Variants in ROBO2 observed in about 807,000 individuals in gnomAD.
ROBO2 encodes the protein roundabout guidance receptor 2.
Under a neutral mutation model 160.8 loss-of-function variants are expected in ROBO2, and 53 were observed. The ratio of observed to expected loss-of-function variants is 0.33; its 90% CI spans 0.26 to 0.41. The LOEUF (loss-of-function observed/expected upper bound fraction) is 0.41, where lower values mean the gene tolerates loss of function less well. ROBO2 is among the 10% of genes least tolerant of loss of function. The pLI is 1.00. For missense variants in ROBO2, 1,577 were observed against 1,722.4 expected, an observed-to-expected ratio of 0.92 and a Z score of 1.49; for synonymous variants, 664 against 611.7, an observed-to-expected ratio of 1.09 and a Z score of -1.26.
chr3:77,124,220 A>G (rs1267400095), intron 2 of ROBO2, among the ~76,000 whole-genome samples: 1 of 152,138 alleles, frequency 6.6e-6, no homozygotes, highest in Non-Finnish European at 1.5e-5. Context: ...GAAAGATATG[A>G]GTTAGAGGAG....
intron 2 of ROBO2, among the ~76,000 whole-genome samples, chr3:76,549,039 A>T (rs2083270279): frequency 1.3e-5 from 2 of 152,162 alleles, no homozygotes; most frequent in African/African-American, 4.8e-5. Flanking sequence ...AAATTTTCAG[A>T]ATTCCCTGAA....
intron 2 of ROBO2, among the ~76,000 whole-genome samples, chr3:76,583,044 CAA>C (rs1371794229): frequency 6.7e-6 from 1 of 148,434 alleles, no homozygotes; most frequent in African/African-American, 2.5e-5. Context: ...AAAAAACAAA[CAA>C]AGAAAAACAC....
rs996683542 is a variant in ROBO2 at position 76,521,618 on chromosome 3, T to C, written c.110-576396T>C. 3.9e-5 allele frequency among the ~76,000 whole-genome samples: 6 copies of C among 152,192 alleles called. 1 individual carries two copies. The highest frequency in any genetic ancestry group is 2.6e-4 in the Admixed American group (4 of 15,276). On this transcript the variant is annotated intron_variant, in intron 2 of 26. Transcript: ENST00000487694. ...CTCAGTGGAAAAACAGCAATGCCTA[T>C]ATTGTTCTGTTAAATATGGGTTAAA...
At chr3:76,744,138 G>A (rs1369498907) in intron 2 of ROBO2, among the ~76,000 whole-genome samples, 1 of 152,128 alleles carries the variant, frequency 6.6e-6, no homozygotes, top group Non-Finnish European at 1.5e-5. Context: ...GAAGATGAGA[G>A]TTCGTTAGTT....
chr3:76,785,195 C>T (rs981218303), intron 2 of ROBO2, among the ~76,000 whole-genome samples: 12 of 151,318 alleles, frequency 7.9e-5, no homozygotes, highest in Middle Eastern at 3.4e-3. Flanking sequence ...TCTTCCATTA[C>T]TAAGATTAAA....
chr3:76,277,155 G>C (rs918315646), intron 2 of ROBO2, among the ~76,000 whole-genome samples: 5 of 151,852 alleles, frequency 3.3e-5, no homozygotes, highest in African/African-American at 4.8e-5. Context: ...CTACCAATAA[G>C]CAATTCTTTT....
intron 6 of ROBO2, among the ~76,000 whole-genome samples, chr3:77,544,620 G>A (rs1330547787): frequency 1.3e-5 from 2 of 152,020 alleles, no homozygotes; most frequent in African/African-American, 4.8e-5. Flanking sequence ...GCGTGTTTGG[G>A]GCTGATCTAC....
At chr3:77,016,520 A>G (rs183780900) in intron 2 of ROBO2, among the ~76,000 whole-genome samples, 1 of 152,276 alleles carries the variant, frequency 6.6e-6, no homozygotes, top group African/African-American at 2.4e-5. Flanking sequence ...TGGCAATAAC[A>G]ATGTTAGTAG....
intron 2 of ROBO2, among the ~76,000 whole-genome samples, chr3:76,772,853 G>T (rs1040287928): frequency 6.6e-6 from 1 of 151,070 alleles, no homozygotes; most frequent in African/African-American, 2.4e-5. Context: ...GTCAACAACT[G>T]AAACAAAGAA....
chr3:76,379,009 A>C (rs1161262062), intron 2 of ROBO2, among the ~76,000 whole-genome samples: 1 of 152,184 alleles, frequency 6.6e-6, no homozygotes, highest in Admixed American at 6.5e-5. Flanking sequence ...TTTCCACCAG[A>C]GTAATGAAAG....
chr3:77,358,115 G>GT (rs1033009778), intron 2 of ROBO2, among the ~76,000 whole-genome samples: 1 of 152,164 alleles, frequency 6.6e-6, no homozygotes, highest in African/African-American at 2.4e-5. Context: ...CCAACACAGA[G>GT]TTTTTGTTGC....
At chr3:76,900,871 T>C (rs1025807166) in intron 2 of ROBO2, among the ~76,000 whole-genome samples, 1 of 152,174 alleles carries the variant, frequency 6.6e-6, no homozygotes, top group Non-Finnish European at 1.5e-5. Flanking sequence ...TTCCATCTGG[T>C]GTTTTACAGC....
chr3:76,118,760 C>A (rs912917571), intron 2 of ROBO2, among the ~76,000 whole-genome samples: 7 of 152,108 alleles, frequency 4.6e-5, no homozygotes, highest in African/African-American at 1.7e-4. Flanking sequence ...CTAATCTTAG[C>A]AATTTATGAT....
intron 2 of ROBO2, among the ~76,000 whole-genome samples, chr3:77,404,039 T>A (rs900147251): frequency 6.6e-6 from 1 of 152,136 alleles, no homozygotes; most frequent in Non-Finnish European, 1.5e-5. Context: ...CCATAGTTAT[T>A]TTTTATTATG....
At chr3:77,493,438 T>C (rs1420080242) in intron 5 of ROBO2, 56 bp downstream of exon 5, 1 of 1,588,130 alleles carries the variant, frequency 6.3e-7, no homozygotes, top group Non-Finnish European at 8.6e-7. Context: ...AATTAGAAAA[T>C]AAAAGGACAG....
chr3:77,094,892 A>C (rs535637528), intron 1 of ROBO2, among the ~76,000 whole-genome samples: 1 of 152,054 alleles, frequency 6.6e-6, no homozygotes, highest in South Asian at 2.1e-4. Flanking sequence ...TTGATTATTT[A>C]TATTTTTATT....
At chr3:77,037,353 T>A (rs1219247191), upstream of ROBO2, among the ~76,000 whole-genome samples, 2 of 152,132 alleles carry the variant, frequency 1.3e-5, no homozygotes, top group Non-Finnish European at 2.9e-5. Context: ...AGCTAGTGTA[T>A]GGCAAACAAC....
At position 76,114,619 on chromosome 3, in the gene ROBO2, T is replaced by C. The variant is rs144301512; in HGVS notation, c.109+177017T>C. On this transcript the variant is annotated intron_variant, in intron 2 of 26. Coordinates refer to the ROBO2 transcript ENST00000487694. The stretch of plus-strand genomic sequence containing the variant: ...GAACATTAAAGTGGTTATGTAATGT[T>C]CCCAATATCACCCACCTAGTAAGAG... Among the ~76,000 whole-genome samples the C allele has an allele frequency of 9.5e-3, 1,445 of 152,210 alleles. 25 individuals are homozygous for C. The highest frequency in any genetic ancestry group is 0.033 in the African/African-American group (1,391 of 41,530).
chr3:76,972,539 A>T (rs1465523091), intron 2 of ROBO2, among the ~76,000 whole-genome samples: 1 of 152,056 alleles, frequency 6.6e-6, no homozygotes, highest in African/African-American at 2.4e-5. Flanking sequence ...ATATATATAA[A>T]TATAAGTGAT....
Sources: allele counts gnomAD v4.1 joint callset (sites outside exome capture counted in the v4.1 genomes callset), GRCh38; gene constraint gnomAD v4.1.1; transcripts MANE v1.5; gene names NCBI Gene and HGNC (gene_info 2026-07-23, HGNC 2026-07-21).